The following HS2ST1 variants were observed in gnomAD, a reference collection of about 807,000 sequenced individuals.
The protein encoded by HS2ST1 is 2-O-sulfotransferase.
Under a neutral mutation model 42.9 loss-of-function variants are expected in HS2ST1, and 18 were observed. The observed-to-expected ratio is 0.42, with a 90% CI of 0.29 to 0.62. HS2ST1 has a LOEUF of 0.62. Ranked by LOEUF, HS2ST1 falls within the 20% of genes least tolerant of loss-of-function variation. The probability of loss-of-function intolerance (pLI) is 0.21; values close to 1 mark genes in which losing one functional copy is unlikely to be tolerated. For missense variants in HS2ST1, 334 were observed against 433.8 expected (o/e 0.77, Z 2.04); for synonymous variants, 146 against 152.9 (o/e 0.95, Z 0.33).
chr1:86,935,573 G>A (rs1225929526), intron 1 of HS2ST1, among the ~76,000 whole-genome samples: 4 of 145,962 alleles, frequency 2.7e-5, no homozygotes, highest in Admixed American at 7.1e-5. Context: ...AGTGATTCTC[G>A]TGTCTCAGCC....
intron 1 of HS2ST1, among the ~76,000 whole-genome samples, chr1:87,066,561 T>G (rs963157248): frequency 4.6e-5 from 7 of 152,138 alleles, no homozygotes; most frequent in Admixed American, 1.3e-4. Flanking sequence ...TTTAAAAAAT[T>G]TTTATCTTAA....
chr1:86,952,407 T>G (rs1647548826), intron 1 of HS2ST1, among the ~76,000 whole-genome samples: 1 of 152,110 alleles, frequency 6.6e-6, no homozygotes, highest in African/African-American at 2.4e-5. Context: ...CCGGCAAATT[T>G]TTATGTTTTT....
chr1:87,095,827 G>GT (rs1269706478), intron 4 of HS2ST1, among the ~76,000 whole-genome samples: 2 of 151,944 alleles, frequency 1.3e-5, no homozygotes, highest in African/African-American at 4.8e-5. Flanking sequence ...TAAAACAATA[G>GT]TAAAGCCATC....
intron 1 of HS2ST1, among the ~76,000 whole-genome samples, chr1:86,939,314 CT>C (rs1389741620): frequency 6.6e-6 from 1 of 152,040 alleles, no homozygotes; most frequent in Non-Finnish European, 1.5e-5. Context: ...TTCCATTGTC[CT>C]TTTGGCTTAT....
intron 1 of HS2ST1, among the ~76,000 whole-genome samples, chr1:87,038,715 G>A (rs1325731099): frequency 6.6e-6 from 1 of 152,084 alleles, no homozygotes; most frequent in Non-Finnish European, 1.5e-5. Flanking sequence ...GTGTAAAAAT[G>A]AAGTATTTGT....
chr1:86,973,000 A>G (rs539403437), intron 1 of HS2ST1, among the ~76,000 whole-genome samples: 3 of 152,274 alleles, frequency 2.0e-5, no homozygotes, highest in African/African-American at 7.2e-5. Flanking sequence ...CACAGAAACA[A>G]TATGTCTTTT....
rs189336534 is a variant in HS2ST1, at chr1:87,009,762, C to T, written c.125-63172C>T. ...TAAAACTTCTGCTTGAGGCCAGGTG[C>T]GGTGGCTTATGCCTGTAATCTCAGC... On this transcript the variant is annotated intron_variant, in intron 1 of 6. Coordinates refer to ENST00000370550, the MANE Select transcript of HS2ST1 (RefSeq NM_012262.4). Among the ~76,000 whole-genome samples the T allele has an allele frequency of 4.1e-4, 62 of 152,074 alleles. No homozygotes were observed. In the East Asian group the frequency reaches 9.3e-3, roughly 23 times the overall value.
At chr1:87,004,048 A>AAT (rs1313883125) in intron 1 of HS2ST1, among the ~76,000 whole-genome samples, 3 of 26,238 alleles carry the variant, frequency 1.1e-4, no homozygotes, top group African/African-American at 2.3e-4. Flanking sequence ...TATGCCACCA[A>AAT]ACAGCTTCTG....
chr1:86,915,640 G>C (rs1660134503), intron 1 of HS2ST1, among the ~76,000 whole-genome samples: 1 of 152,198 alleles, frequency 6.6e-6, no homozygotes, highest in African/African-American at 2.4e-5. Flanking sequence ...GCAGAAATGG[G>C]AGGAGATGCT....
At chr1:87,081,900 G>A (rs899851822) in intron 2 of HS2ST1, among the ~76,000 whole-genome samples, 59 of 150,078 alleles carry the variant, frequency 3.9e-4, no homozygotes, top group African/African-American at 1.4e-3. Flanking sequence ...CTTGAACCTG[G>A]AAGGCGGAGG....
intron 1 of HS2ST1, among the ~76,000 whole-genome samples, chr1:86,954,476 T>C (rs571772000): frequency 3.9e-5 from 6 of 152,350 alleles, no homozygotes; most frequent in Admixed American, 2.6e-4. Flanking sequence ...GAATAACTTA[T>C]CCATGCTCAA....
chr1:86,975,919 A>G (rs1648387012), intron 1 of HS2ST1, among the ~76,000 whole-genome samples: 1 of 152,204 alleles, frequency 6.6e-6, no homozygotes, highest in African/African-American at 2.4e-5. Flanking sequence ...AATTTTGGCC[A>G]AATACTTTGG....
At chr1:87,090,747 T>C (rs571501417) in intron 3 of HS2ST1, among the ~76,000 whole-genome samples, 1 of 152,072 alleles carries the variant, frequency 6.6e-6, no homozygotes, top group East Asian at 1.9e-4. Context: ...CAGTCTGCAC[T>C]CACTCCACCT....
At chr1:86,971,629 G>A (rs563278408) in intron 1 of HS2ST1, among the ~76,000 whole-genome samples, 1 of 152,268 alleles carries the variant, frequency 6.6e-6, no homozygotes, top group African/African-American at 2.4e-5. Context: ...GCATTTCACA[G>A]CAGAAAGTTT....
At chr1:87,018,616 A>G (rs949916934) in intron 1 of HS2ST1, among the ~76,000 whole-genome samples, 7 of 152,138 alleles carry the variant, frequency 4.6e-5, no homozygotes, top group African/African-American at 1.7e-4. Flanking sequence ...GCTCTAAAGG[A>G]CAGATTTCCA....
chr1:86,988,682 G>A (rs566245436), intron 1 of HS2ST1, among the ~76,000 whole-genome samples: 129 of 152,246 alleles, frequency 8.5e-4, no homozygotes, highest in African/African-American at 2.7e-3. Context: ...CACTTTAATC[G>A]CTGTGATCAT....
intron 1 of HS2ST1, among the ~76,000 whole-genome samples, chr1:87,000,384 C>T (rs948237098): frequency 2.0e-5 from 3 of 152,154 alleles, no homozygotes; most frequent in Non-Finnish European, 4.4e-5. Flanking sequence ...CAATTAAATG[C>T]CTGTTTCTAG....
At chr1:87,032,988 T>G (rs72955515) in intron 1 of HS2ST1, among the ~76,000 whole-genome samples, 2,579 of 152,274 alleles carry the variant, frequency 0.017, 80 homozygotes, top group African/African-American at 0.059. Context: ...CCTAATTCAT[T>G]TAGTGTGTTG....
intron 1 of HS2ST1, among the ~76,000 whole-genome samples, chr1:86,944,312 A>G (rs1311060089): frequency 6.6e-6 from 1 of 152,126 alleles, no homozygotes; most frequent in Non-Finnish European, 1.5e-5. Context: ...TGCCAGAATG[A>G]CATAAACGTT....
Sources: allele counts gnomAD v4.1 joint callset (sites outside exome capture counted in the v4.1 genomes callset), GRCh38; gene constraint gnomAD v4.1.1; transcripts MANE v1.5; gene names NCBI Gene and HGNC (gene_info 2026-07-23, HGNC 2026-07-21).